The following PLPP3 variants were observed in gnomAD, a reference collection of about 807,000 sequenced individuals.
PLPP3 encodes phospholipid phosphatase 3.
Under a neutral mutation model 29.6 loss-of-function variants are expected in PLPP3, and 6 were observed. That is an observed-to-expected ratio of 0.20 (90% CI 0.11 to 0.40). PLPP3 has a LOEUF of 0.40. Among genes scored for constraint, PLPP3 ranks in the 10% least tolerant of loss-of-function variants. PLPP3 has a pLI of 1.00. For missense variants in PLPP3, 308 were observed against 407.7 expected, an observed-to-expected ratio of 0.76 and a Z score of 2.11; for synonymous variants, 152 against 159.7, an observed-to-expected ratio of 0.95 and a Z score of 0.36.
intron 1 of PLPP3, among the ~76,000 whole-genome samples, chr1:56,565,920 G>A (rs746001419): frequency 2.0e-5 from 3 of 152,006 alleles, no homozygotes; most frequent in Non-Finnish European, 4.4e-5. Flanking sequence ...ATTTCACATC[G>A]TTTATTTTTG....
chr1:56,539,445 C>A (rs918271651), intron 1 of PLPP3, among the ~76,000 whole-genome samples: 1 of 152,078 alleles, frequency 6.6e-6, no homozygotes, highest in African/African-American at 2.4e-5. Context: ...TGGTTTTATT[C>A]TTTGGATTTA....
chr1:56,571,722 T>C (rs1406268894), intron 1 of PLPP3, among the ~76,000 whole-genome samples: 2 of 152,090 alleles, frequency 1.3e-5, no homozygotes, highest in Non-Finnish European at 2.9e-5. Context: ...AAGACCAAAA[T>C]AAACAAAATG....
rs574787786 is a variant in PLPP3, at chr1:56,534,941, A to G, written c.297+2014T>C. On this transcript the variant is annotated intron_variant, in intron 2 of 5. Coordinates refer to ENST00000371250, the MANE Select transcript of PLPP3 (RefSeq NM_003713.5). ...TGGGTTCTAATTAAATAACTATAAG[A>G]TAAGAGTGGGGGGTGTAGCTAAGGC... Among the ~76,000 whole-genome samples the G allele has an allele frequency of 5.3e-5, 8 of 152,262 alleles. No individual in the cohort carries two copies. In the South Asian group the frequency reaches 1.2e-3, roughly 24 times the overall value.
chr1:56,506,665 A>C (rs569279034), intron 5 of PLPP3, among the ~76,000 whole-genome samples: 1 of 152,352 alleles, frequency 6.6e-6, no homozygotes, highest in East Asian at 1.9e-4. Context: ...AGTTGTCACC[A>C]GACAGGAAAT....
chr1:56,550,318 T>C (rs908685785), intron 1 of PLPP3, among the ~76,000 whole-genome samples: 49 of 152,156 alleles, frequency 3.2e-4, no homozygotes, highest in African/African-American at 1.2e-3. Flanking sequence ...ATAGGAACCC[T>C]ATTGTTCCAG....
chr1:56,524,305 C>G lies in PLPP3; in HGVS notation c.547G>C (p.Gly183Arg). Reference protein sequence around the residue: ...EGYIQNYRCRGDDSKVQEARK... With the variant: ...EGYIQNYRCRRDDSKVQEARK... ...GCTTCCTGGACTTTGCTGTCATCACCTCTGCATCTGTAGTTCTGAATGTAG... is the reference window on the plus strand; with the variant it reads ...GCTTCCTGGACTTTGCTGTCATCACGTCTGCATCTGTAGTTCTGAATGTAG... The change falls in exon 3 of 6, where the codon GGT (glycine) becomes CGT (arginine). Residue 183 changes from glycine to arginine, a missense_variant. Physicochemically the swap from Gly to Arg is moderately radical, Grantham distance 125. Around this residue, in one of 3 missense-constraint regions of PLPP3, gnomAD observed 232 missense variants for 317.2 expected, o/e 0.73. Transcript: ENST00000371250. The surrounding 1 kb of genome is among the most constrained non-coding windows in gnomAD (Gnocchi z 4.3). The G allele has an allele frequency of 6.2e-7, 1 of 1,613,930 alleles. No homozygotes were observed. The highest frequency in any genetic ancestry group is 8.5e-7 in the Non-Finnish European group (1 of 1,179,958).
chr1:56,498,922 G>A (rs541103005), intron 5 of PLPP3, among the ~76,000 whole-genome samples: 66 of 152,224 alleles, frequency 4.3e-4, no homozygotes, highest in African/African-American at 1.5e-3. Flanking sequence ...GTGAGCCACC[G>A]TGCCTGGCCC....
intron 1 of PLPP3, among the ~76,000 whole-genome samples, chr1:56,575,262 C>T (rs1184340750): frequency 1.3e-5 from 2 of 152,188 alleles, no homozygotes; most frequent in East Asian, 1.9e-4. Context: ...CACTGGCCAA[C>T]GTGGAACCTG....
At chr1:56,511,949 G>A (rs772978948) in intron 5 of PLPP3, 27 bp downstream of exon 5, 1 of 1,611,860 alleles carries the variant, frequency 6.2e-7, no homozygotes, top group Non-Finnish European at 8.5e-7. Context: ...GGCTCCACTT[G>A]CATATTGAGG....
At chr1:56,527,721 A>G (rs753868448) in intron 2 of PLPP3, among the ~76,000 whole-genome samples, 2 of 152,146 alleles carry the variant, frequency 1.3e-5, no homozygotes, top group African/African-American at 2.4e-5. Context: ...CAACACAGCC[A>G]TAAATCATCA....
chr1:56,507,868 G>C (rs1645714266), intron 5 of PLPP3, among the ~76,000 whole-genome samples: 1 of 152,196 alleles, frequency 6.6e-6, no homozygotes, highest in Admixed American at 6.5e-5. Context: ...GTGAGAGAGA[G>C]AGGGAGAAGT....
chr1:56,578,900 G>C lies in PLPP3; in HGVS notation c.117C>G (p.Leu39=), dbSNP rs1646257188. ...CACCCATGAAGAGGCAGAAGAGGTC[G>C]AGGCAGATGAGCAGCACCCGCTTGC... ...SGSKRVLLIC[L]DLFCLFMAGL... Residue 39 remains leucine (L), a synonymous_variant, in exon 1 of 6, where the codon CTC becomes CTG. Coordinates refer to ENST00000371250, the MANE Select transcript of PLPP3 (RefSeq NM_003713.5). 1.3e-6 allele frequency: 2 copies of C among 1,597,670 alleles called. No homozygotes were observed. Among genetic ancestry groups the C allele is most frequent in the Non-Finnish European group, 8.5e-7 (1 of 1,173,978 alleles).
In PLPP3 at chr1:56,496,601, G is replaced by C; in HGVS notation, c.886C>G (p.Leu296Val). The C allele has an allele frequency of 6.2e-7, 1 of 1,614,062 alleles. No homozygotes were observed. The highest frequency in any genetic ancestry group is 1.3e-5 in the African/African-American group (1 of 75,026). ...LPAPAIRKEI[L>V]SPVDIIDRNN... ...CTGTCAATAATGTCCACAGGTGAAA[G>C]GATTTCCTTCCGGATAGCAGGGGCA... The change falls in exon 6 of 6, where the codon CTT becomes GTT. Residue 296 changes from leucine to valine, a missense_variant. This residue lies in a region of PLPP3 where 232 missense variants were observed against 317.2 expected (regional missense o/e 0.73). Transcript: ENST00000371250.
At chr1:56,578,663 C>T (rs1646254278) in intron 1 of PLPP3, among the ~76,000 whole-genome samples, 1 of 152,142 alleles carries the variant, frequency 6.6e-6, no homozygotes, top group African/African-American at 2.4e-5. Context: ...TTAAGCACGC[C>T]CAGACCCACT....
In PLPP3 at chr1:56,531,114, G is replaced by T. The variant is rs78452318; in HGVS notation, c.297+5841C>A. On this transcript the variant is annotated intron_variant, in intron 2 of 5. Transcript: ENST00000371250. The stretch of plus-strand genomic sequence containing the variant: ...GGTTGTGGTGAAAATTATATGAGAC[G>T]AGTGCTCAGTGAATAATGATGATGA... 7.4e-3 allele frequency among the ~76,000 whole-genome samples: 1,133 copies of T among 152,246 alleles called. 18 individuals carry two copies. The highest frequency in any genetic ancestry group is 0.026 in the African/African-American group (1,071 of 41,540).
intron 4 of PLPP3, chr1:56,512,371 T>G: frequency 6.4e-6 from 3 of 469,974 alleles, no homozygotes; most frequent in South Asian, 5.7e-5. Flanking sequence ...CAGCACTTCG[T>G]GTGGCTGAGG....
intron 5 of PLPP3, among the ~76,000 whole-genome samples, chr1:56,509,742 G>A (rs1269649505): frequency 6.6e-6 from 1 of 151,486 alleles, no homozygotes; most frequent in African/African-American, 2.4e-5. Flanking sequence ...GGGAGGCTGA[G>A]GGGGAAGAAT....
intron 4 of PLPP3, among the ~76,000 whole-genome samples, chr1:56,520,951 C>T (rs114738219): frequency 0.096 from 13,442 of 140,478 alleles, 849 homozygotes; most frequent in Middle Eastern, 0.15. Flanking sequence ...TTTTGCAAAT[C>T]GGCCTAGCAC....
chr1:56,498,239 G>T (rs1416984083), intron 5 of PLPP3, among the ~76,000 whole-genome samples: 1 of 152,058 alleles, frequency 6.6e-6, no homozygotes, highest in Non-Finnish European at 1.5e-5. Flanking sequence ...CAAAAGATTT[G>T]TCTCCTAGTC....
Sources: gnomAD v4.1 joint callset for allele counts (sites outside exome capture counted in the v4.1 genomes callset) on GRCh38, gnomAD v4.1.1 for gene constraint, gnomAD v4.1.1 regional missense constraint, Gnocchi (gnomAD v3.1) non-coding constraint, MANE v1.5 for transcripts, NCBI Gene and HGNC (gene_info 2026-07-23, HGNC 2026-07-21) for gene names.